UNC5D: variants seen among roughly 807,000 people sequenced by gnomAD.
UNC5D encodes the protein netrin receptor UNC5D.
Under a neutral mutation model 105.4 loss-of-function variants are expected in UNC5D, and 39 were observed. That is an observed-to-expected ratio of 0.37 (90% CI 0.29 to 0.48). The LOEUF (loss-of-function observed/expected upper bound fraction) is 0.48, where lower values mean the gene tolerates loss of function less well. Among genes scored for constraint, UNC5D ranks in the 20% least tolerant of loss-of-function variants. The pLI is 0.98. For missense variants in UNC5D, 991 were observed against 1,202.4 expected (o/e 0.82, Z 2.60); for synonymous variants, 452 against 450.4 (o/e 1.00, Z -0.04).
chr8:35,449,464 C>T (rs1808006163), intron 1 of UNC5D, among the ~76,000 whole-genome samples: 1 of 152,152 alleles, frequency 6.6e-6, no homozygotes. Flanking sequence ...TGTCCCGCCC[C>T]ATGCATTTAG....
chr8:35,249,480 C>T (rs1485719451), intron 1 of UNC5D, among the ~76,000 whole-genome samples: 3 of 150,872 alleles, frequency 2.0e-5, no homozygotes, highest in South Asian at 2.1e-4. Context: ...ATCGCTTGAA[C>T]CTGGGAGGTG....
chr8:35,723,730 A>AAAAC (rs1828713149), intron 9 of UNC5D, among the ~76,000 whole-genome samples: 1 of 152,132 alleles, frequency 6.6e-6, no homozygotes, highest in African/African-American at 2.4e-5. Context: ...TGCTACCTAA[A>AAAAC]AAACTAGAAA....
chr8:35,360,280 C>A (rs1801789792), intron 1 of UNC5D, among the ~76,000 whole-genome samples: 1 of 152,150 alleles, frequency 6.6e-6, no homozygotes. Flanking sequence ...ATGTGAATCA[C>A]CTTTCCAGAA....
chr8:35,275,055 C>G (rs1374469169), intron 1 of UNC5D, among the ~76,000 whole-genome samples: 1 of 151,754 alleles, frequency 6.6e-6, no homozygotes, highest in Non-Finnish European at 1.5e-5. Context: ...CGCACCACTG[C>G]ACTCTGGCCT....
At chr8:35,618,242 G>C (rs770876166) in intron 4 of UNC5D, among the ~76,000 whole-genome samples, 1 of 152,140 alleles carries the variant, frequency 6.6e-6, no homozygotes, top group Non-Finnish European at 1.5e-5. Flanking sequence ...TTTCAACGCT[G>C]TTATCTAGGT....
At chr8:35,653,385 C>T (rs1292943603) in intron 4 of UNC5D, among the ~76,000 whole-genome samples, 1 of 152,122 alleles carries the variant, frequency 6.6e-6, no homozygotes, top group Non-Finnish European at 1.5e-5. Context: ...TATATTTGAG[C>T]CATGCTTCTC....
At position 35,512,569 on chromosome 8, in the gene UNC5D, A is replaced by ATATATATATATATATATC. The variant is rs539399345; in HGVS notation, c.104-36722_104-36721insATATATATATATATATCT. Among the ~76,000 whole-genome samples, 220 of 64,812 alleles carry ATATATATATATATATATC rather than the reference A, an allele frequency of 3.4e-3. 40 individuals are homozygous for ATATATATATATATATATC. The highest frequency in any genetic ancestry group is 0.01 in the African/African-American group (126 of 12,426). The allele number at this position is 64,812 out of a possible 152,430, so 42.5% of individuals were successfully genotyped here. A position where few individuals can be genotyped will look rare whatever the true frequency, so the allele number is the denominator to read the frequency against. On this transcript the variant is annotated intron_variant, in intron 1 of 16. Transcript: ENST00000404895. ...TATATATATATATATATATATATAT[A>ATATATATATATATATATC]TCTGAATAGATTACTAAATGGAGAT...
intron 4 of UNC5D, among the ~76,000 whole-genome samples, chr8:35,620,761 C>A (rs1282155008): frequency 6.6e-6 from 1 of 152,136 alleles, no homozygotes; most frequent in Non-Finnish European, 1.5e-5. Context: ...GGGCTTTCAT[C>A]CCTGAGTTTC....
chr8:35,430,427 A>G lies in UNC5D; in HGVS notation c.104-118865A>G, dbSNP rs560399062. Among the ~76,000 whole-genome samples, 11 of 152,310 alleles carry G rather than the reference A, an allele frequency of 7.2e-5. No individual in the cohort carries two copies. In the South Asian group the frequency reaches 1.2e-3, roughly 17 times the overall value. ...TATCCTTTATAATAAACTGGTAAAC[A>G]TAAGTGTTTCTGTGAGTTCTGTGAG... On this transcript the variant is annotated intron_variant, in intron 1 of 16. Transcript: ENST00000404895.
intron 1 of UNC5D, among the ~76,000 whole-genome samples, chr8:35,345,737 T>TA (rs1437484505): frequency 4.6e-5 from 7 of 152,062 alleles, no homozygotes; most frequent in Non-Finnish European, 1.0e-4. Flanking sequence ...GACTTTTTTT[T>TA]AACCTCAAAC....
At chr8:35,384,819 A>C (rs1302289493) in intron 1 of UNC5D, among the ~76,000 whole-genome samples, 1 of 152,212 alleles carries the variant, frequency 6.6e-6, no homozygotes, top group Admixed American at 6.5e-5. Context: ...AAAGGTTTAC[A>C]CTTTTACATC....
intron 1 of UNC5D, among the ~76,000 whole-genome samples, chr8:35,454,116 T>G (rs1297069170): frequency 1.3e-5 from 2 of 152,168 alleles, no homozygotes; most frequent in African/African-American, 4.8e-5. Context: ...TGACAGACTT[T>G]CCCTCTTTTG....
intron 11 of UNC5D, among the ~76,000 whole-genome samples, chr8:35,744,806 A>G (rs1327910516): frequency 6.6e-6 from 1 of 152,188 alleles, no homozygotes; most frequent in Non-Finnish European, 1.5e-5. Flanking sequence ...TAATCCCAGC[A>G]CTTTGAGAGG....
chr8:35,614,173 C>T (rs1166805709), intron 4 of UNC5D, among the ~76,000 whole-genome samples: 1 of 152,202 alleles, frequency 6.6e-6, no homozygotes, highest in Non-Finnish European at 1.5e-5. Context: ...TTACCCTTCT[C>T]CCCTGTGAGG....
Position 35,686,683 on chromosome 8 carries a change from A to C in UNC5D, c.1058A>C (p.Asn353Thr). ...FCEGLSQESE[N>T]CTDGLCILDK... ...GAAGGTCTAAGCCAGGAATCTGAAA[A>C]CTGCACAGATGGTCTTTGCATCCTA... The change falls in exon 7 of 17, where the codon AAC becomes ACC. Residue 353 changes from asparagine to threonine, a missense_variant. Asn to Thr is a moderately conservative substitution (Grantham distance 65, BLOSUM62 0). This residue lies in a region of UNC5D where 944 missense variants were observed against 1,131.6 expected (regional missense o/e 0.83). Transcript: ENST00000404895. 1 of 1,602,972 alleles carries C rather than the reference A, an allele frequency of 6.2e-7. No homozygotes were observed. Among genetic ancestry groups the C allele is most frequent in the Non-Finnish European group, 8.5e-7 (1 of 1,176,544 alleles).
At chr8:35,696,243 C>T (rs1269218179) in intron 7 of UNC5D, among the ~76,000 whole-genome samples, 2 of 150,294 alleles carry the variant, frequency 1.3e-5, no homozygotes, top group Non-Finnish European at 3.0e-5. Context: ...TCCCAGATTC[C>T]AAAATTAGCA....
At chr8:35,428,479 C>T (rs1183786854) in intron 1 of UNC5D, among the ~76,000 whole-genome samples, 9 of 151,734 alleles carry the variant, frequency 5.9e-5, no homozygotes, top group African/African-American at 1.7e-4. Flanking sequence ...AGCCACTGCC[C>T]CCCGGCCAAA....
rs372818750 is a variant in UNC5D at position 35,680,303 on chromosome 8, C to A, written c.571-3244C>A. Among the ~76,000 whole-genome samples the A allele has an allele frequency of 4.6e-5, 7 of 152,274 alleles. No individual in the cohort carries two copies. The East Asian group carries it at 1.4e-3, about 29-fold the overall frequency. ...GTGTGTTTCAGAGAGAGATTTTAAT[C>A]TTGGCTATTTTGGTAGGAAACATAT... On this transcript the variant is annotated intron_variant, in intron 4 of 16. Transcript: ENST00000404895.
At chr8:35,351,067 A>T (rs890074868) in intron 1 of UNC5D, among the ~76,000 whole-genome samples, 53 of 152,142 alleles carry the variant, frequency 3.5e-4, no homozygotes, top group African/African-American at 1.3e-3. Context: ...TGTGTGTGTG[A>T]GAGAGAGTTG....
Sources: allele counts gnomAD v4.1 joint callset (sites outside exome capture counted in the v4.1 genomes callset), GRCh38; gene constraint gnomAD v4.1.1; regional missense constraint gnomAD v4.1.1; transcripts MANE v1.5; gene names NCBI Gene and HGNC (gene_info 2026-07-23, HGNC 2026-07-21).